STK33: variants seen among roughly 807,000 people sequenced by gnomAD.
STK33 encodes serine/threonine-protein kinase 33.
Under a neutral mutation model 58.0 loss-of-function variants are expected in STK33, and 52 were observed. The observed-to-expected ratio is 0.90, with a 90% CI of 0.72 to 1.13. The LOEUF is 1.13. Among genes scored for constraint, STK33 ranks in the 50% most tolerant of loss-of-function variants. STK33 has a pLI of 0.00. For synonymous variants in STK33, 215 were observed against 200.1 expected (o/e 1.07, Z -0.63); for missense variants, 630 against 604.2 (o/e 1.04, Z -0.45).
At chr11:8,499,290 A>T (rs1302025991) in intron 1 of STK33, among the ~76,000 whole-genome samples, 1 of 152,260 alleles carries the variant, frequency 6.6e-6, no homozygotes, top group Non-Finnish European at 1.5e-5. Context: ...TCTCAAAAGA[A>T]GACATTTATG....
chr11:8,359,611 A>C, the STK33 span, among the ~76,000 whole-genome samples: 9 of 152,182 alleles, frequency 5.9e-5, no homozygotes, highest in Admixed American at 5.2e-4. Flanking sequence ...ACTTGCCTCC[A>C]GGTGGTGGGT....
intron 1 of STK33, among the ~76,000 whole-genome samples, chr11:8,506,908 T>C (rs1022797751): frequency 6.6e-6 from 1 of 152,172 alleles, no homozygotes; most frequent in African/African-American, 2.4e-5. Flanking sequence ...TCTCCCCTGC[T>C]TACTCTGAGT....
At chr11:8,436,241 T>G in intron 12 of STK33, 102 bp from the exon 13 acceptor site, 5 of 611,554 alleles carry the variant, frequency 8.2e-6, no homozygotes, top group Non-Finnish European at 1.3e-5. Context: ...TGCTTCATAT[T>G]TAAGGAAAGG....
chr11:8,586,822 T>TAA (rs56064924), intron 1 of STK33, among the ~76,000 whole-genome samples: 84 of 78,230 alleles, frequency 1.1e-3, no homozygotes, highest in African/African-American at 4.1e-3. Context: ...AGACTCTGTC[T>TAA]AAAAAAAAAA....
intron 1 of STK33, among the ~76,000 whole-genome samples, chr11:8,554,346 G>A (rs1424171797): frequency 6.6e-6 from 1 of 150,764 alleles, no homozygotes; most frequent in Non-Finnish European, 1.5e-5. Flanking sequence ...TTGAATCCGG[G>A]AGGTTGAGGG....
chr11:8,474,172 A>C (rs1367349832), intron 5 of STK33, among the ~76,000 whole-genome samples: 3 of 151,666 alleles, frequency 2.0e-5, no homozygotes, highest in South Asian at 2.1e-4. Flanking sequence ...CAAAACTCCA[A>C]TTCAAAAAAA....
chr11:8,549,509 C>T (rs1372111294), intron 1 of STK33, among the ~76,000 whole-genome samples: 3 of 151,314 alleles, frequency 2.0e-5, no homozygotes, highest in Non-Finnish European at 4.4e-5. Flanking sequence ...CCTTGTAGAA[C>T]GAGTTTGGAG....
In STK33 at chr11:8,452,918, A is replaced by C. The variant is rs762893985; in HGVS notation, c.787-12T>G. Reference sequence around the variant, plus strand: ...CCAAAATCAGTCACCTGGGAGAAGAAATTCAAGCACAGTCACCTGTTTTCC... The same window carrying C: ...CCAAAATCAGTCACCTGGGAGAAGACATTCAAGCACAGTCACCTGTTTTCC... On this transcript the variant is annotated splice_polypyrimidine_tract_variant and intron_variant, in intron 10 of 15. Transcript: ENST00000687296. The C allele has an allele frequency of 6.2e-7, 1 of 1,612,270 alleles. No individual in the cohort carries two copies. The highest frequency in any genetic ancestry group is 1.3e-5 in the African/African-American group (1 of 74,884).
the STK33 span, among the ~76,000 whole-genome samples, chr11:8,338,883 G>T: frequency 6.6e-6 from 1 of 152,202 alleles, no homozygotes; most frequent in African/African-American, 2.4e-5. Flanking sequence ...CCCAGGGCCT[G>T]GCTCCAAGTA....
intron 1 of STK33, among the ~76,000 whole-genome samples, chr11:8,509,829 G>A (rs1039336025): frequency 6.6e-6 from 1 of 151,970 alleles, no homozygotes; most frequent in African/African-American, 2.4e-5. Context: ...TTGCTACAAG[G>A]GCCATTATTT....
At chr11:8,430,190 T>C (rs570474640) in intron 14 of STK33, among the ~76,000 whole-genome samples, 1 of 152,342 alleles carries the variant, frequency 6.6e-6, no homozygotes, top group South Asian at 2.1e-4. Flanking sequence ...ATGCCTTCTA[T>C]GGTTATAGAA....
intron 1 of STK33, among the ~76,000 whole-genome samples, chr11:8,559,553 T>C (rs891188574): frequency 2.0e-5 from 3 of 152,222 alleles, no homozygotes; most frequent in Admixed American, 6.5e-5. Context: ...TCCTAAATCT[T>C]TGTTGAACAA....
At chr11:8,493,417 T>A (rs1175349650) in intron 1 of STK33, among the ~76,000 whole-genome samples, 1 of 152,172 alleles carries the variant, frequency 6.6e-6, no homozygotes, top group African/African-American at 2.4e-5. Context: ...AATCTCTGAA[T>A]AGACCAATAA....
chr11:8,567,611 C>T (rs996718720), intron 1 of STK33, among the ~76,000 whole-genome samples: 14 of 152,106 alleles, frequency 9.2e-5, no homozygotes, highest in African/African-American at 2.4e-4. Context: ...AACAGAGGAA[C>T]GGGGAAAATC....
At chr11:8,590,995 T>C (rs566280098) in intron 1 of STK33, among the ~76,000 whole-genome samples, 2 of 152,350 alleles carry the variant, frequency 1.3e-5, no homozygotes, top group South Asian at 4.1e-4. Flanking sequence ...AAGTACTACA[T>C]AGTATCATCA....
intron 11 of STK33, among the ~76,000 whole-genome samples, chr11:8,442,954 G>C (rs1404172421): frequency 2.0e-5 from 3 of 152,144 alleles, no homozygotes; most frequent in Non-Finnish European, 4.4e-5. Context: ...GGTTATGGGT[G>C]GGGGATTGAC....
chr11:8,375,808 C>T, the STK33 span, among the ~76,000 whole-genome samples: 135,132 of 152,148 alleles, frequency 0.89, 61,869 homozygotes, highest in Non-Finnish European at 0.99. Flanking sequence ...CCTTCTGCCA[C>T]GATTGTAAGT....
rs539269864 is a variant in STK33 at position 8,451,580 on chromosome 11, A to T, written c.871+1242T>A. 3.3e-5 allele frequency among the ~76,000 whole-genome samples: 5 copies of T among 152,312 alleles called. No individual in the cohort carries two copies. The East Asian group carries it at 7.7e-4, about 23-fold the overall frequency. ...GAGACAAGAAGGCAAATCTAGAGAG[A>T]TTAGTGGCTACCTGGGACTGGGATA... On this transcript the variant is annotated intron_variant, in intron 11 of 15. Coordinates refer to ENST00000687296, the MANE Select transcript of STK33 (RefSeq NM_001352389.2).
At chr11:8,535,939 C>T (rs1277302670) in intron 1 of STK33, among the ~76,000 whole-genome samples, 3 of 152,084 alleles carry the variant, frequency 2.0e-5, no homozygotes, top group Admixed American at 1.3e-4. Context: ...AAAGTCATAC[C>T]ATTTTGCAGC....
Sources: allele counts gnomAD v4.1 joint callset (sites outside exome capture counted in the v4.1 genomes callset), GRCh38; gene constraint gnomAD v4.1.1; transcripts MANE v1.5; gene names NCBI Gene and HGNC (gene_info 2026-07-23, HGNC 2026-07-21).